FAAH2: variants seen among roughly 807,000 people sequenced by gnomAD.
FAAH2 encodes fatty-acid amide hydrolase 2.
Under a neutral mutation model 36.9 loss-of-function variants are expected in FAAH2, and 60 were observed. The observed-to-expected ratio is 1.63, with a 90% CI of 1.32 to 2.02. FAAH2 has a LOEUF of 2.02. Ranked by LOEUF, FAAH2 falls within the 30% of genes most tolerant of loss-of-function variation. FAAH2 has a pLI of 0.00. For missense variants in FAAH2, 689 were observed against 397.5 expected (o/e 1.73, Z -6.23); for synonymous variants, 214 against 143.8 (o/e 1.49, Z -3.49).
At chrX:57,329,044 A>T in intron 3 of FAAH2, among the ~76,000 whole-genome samples, 1 of 112,025 alleles carries the variant, frequency 8.9e-6, no homozygotes, top group Admixed American at 9.5e-5. Flanking sequence ...TGGCAGCAGT[A>T]TCTGCCCTTA....
the FAAH2 span, among the ~76,000 whole-genome samples, chrX:57,182,913 C>T: frequency 9.0e-6 from 1 of 110,812 alleles, no homozygotes; most frequent in African/African-American, 3.3e-5. Context: ...GAGCTGGAGG[C>T]CATTATCCCT....
At chrX:57,245,700 C>T in the FAAH2 span, among the ~76,000 whole-genome samples, 2 of 112,335 alleles carry the variant, frequency 1.8e-5, no homozygotes, top group Non-Finnish European at 3.8e-5. Context: ...CACAATGTGG[C>T]AGAATCTGTG....
chrX:57,159,519 G>A, the FAAH2 span, among the ~76,000 whole-genome samples: 2 of 110,482 alleles, frequency 1.8e-5, no homozygotes, highest in African/African-American at 3.3e-5. Context: ...ATTTCATTGA[G>A]CAGTGGTTTG....
At chrX:57,177,424 T>C in the FAAH2 span, among the ~76,000 whole-genome samples, 12,836 of 105,148 alleles carry the variant, frequency 0.12, 1,966 homozygotes, top group African/African-American at 0.41. Context: ...CCCTGGAGTG[T>C]TTCAGAAAGT....
At chrX:57,252,358 C>A in the FAAH2 span, among the ~76,000 whole-genome samples, 2 of 112,503 alleles carry the variant, frequency 1.8e-5, no homozygotes, top group Non-Finnish European at 3.8e-5. Flanking sequence ...ACTTAAATGT[C>A]CCTGACAGAC....
At chrX:57,165,596 T>C in the FAAH2 span, among the ~76,000 whole-genome samples, 1 of 110,838 alleles carries the variant, frequency 9.0e-6, no homozygotes, top group Non-Finnish European at 1.9e-5. Flanking sequence ...TGCTAGATGA[T>C]GAGTTAGTGG....
chrX:57,352,860 C>A (rs955211125), intron 5 of FAAH2, among the ~76,000 whole-genome samples: 4 of 110,164 alleles, frequency 3.6e-5, no homozygotes, highest in African/African-American at 1.3e-4. Flanking sequence ...ATGATAGTTA[C>A]AAAAACAAAC....
the FAAH2 span, among the ~76,000 whole-genome samples, chrX:57,251,107 C>A: frequency 9.0e-6 from 1 of 111,526 alleles, no homozygotes; most frequent in South Asian, 3.7e-4. Context: ...CTCAACAAAA[C>A]GCTGGCCAAC....
chrX:57,334,479 A>C (rs1258042365), intron 4 of FAAH2, among the ~76,000 whole-genome samples: 1 of 111,254 alleles, frequency 9.0e-6, no homozygotes, highest in Non-Finnish European at 1.9e-5. Context: ...TTCATAGAGA[A>C]AAAAAGAATA....
chrX:57,292,447 T>C (rs2052012556), intron 1 of FAAH2, 51 bp from the exon 2 acceptor site: 1 of 1,055,625 alleles, frequency 9.5e-7, no homozygotes. Flanking sequence ...ACTTGTTGAA[T>C]GAATTGTTTA....
the FAAH2 span, chrX:57,228,921 CA>C: frequency 9.0e-6 from 1 of 111,053 alleles, no homozygotes; most frequent in Non-Finnish European, 1.9e-5. Context: ...GCAAAAAAAA[CA>C]GACACAGCAT....
intron 7 of FAAH2, among the ~76,000 whole-genome samples, chrX:57,382,651 C>T (rs2054886080): frequency 1.8e-5 from 2 of 111,379 alleles, no homozygotes. Flanking sequence ...CTGAATAGAC[C>T]AATAACAGGC....
At chrX:57,217,181 C>T in the FAAH2 span, among the ~76,000 whole-genome samples, 1 of 103,090 alleles carries the variant, frequency 9.7e-6, no homozygotes, top group Middle Eastern at 5.1e-3. Flanking sequence ...GATATTAGTC[C>T]TTTGTCAGAT....
At chrX:57,270,389 G>A in the FAAH2 span, among the ~76,000 whole-genome samples, 2 of 111,831 alleles carry the variant, frequency 1.8e-5, no homozygotes, top group African/African-American at 6.5e-5. Flanking sequence ...CATCCTGATA[G>A]CAAAACCTGG....
At chrX:57,314,652 A>T (rs1159100379) in intron 3 of FAAH2, among the ~76,000 whole-genome samples, 1 of 111,466 alleles carries the variant, frequency 9.0e-6, no homozygotes, top group Non-Finnish European at 1.9e-5. Context: ...TTAAGGCATA[A>T]ATCAAAAAAA....
chrX:57,211,388 C>G, the FAAH2 span, among the ~76,000 whole-genome samples: 2 of 111,387 alleles, frequency 1.8e-5, no homozygotes, highest in Non-Finnish European at 3.8e-5. Flanking sequence ...GCATTTGCAC[C>G]TGTCATTTTG....
intron 8 of FAAH2, among the ~76,000 whole-genome samples, chrX:57,444,447 C>T (rs1230456457): frequency 1.8e-5 from 2 of 111,913 alleles, no homozygotes; most frequent in Admixed American, 9.5e-5. Flanking sequence ...CGTTTGCTAA[C>T]GCCATTGGAA....
chrX:57,465,831 C>A (rs1457380764), intron 10 of FAAH2, among the ~76,000 whole-genome samples: 1 of 109,022 alleles, frequency 9.2e-6, no homozygotes, highest in Non-Finnish European at 1.9e-5. Context: ...AAAATAATAC[C>A]CAAAACAATT....
chrX:57,147,147 C>A, the FAAH2 span, among the ~76,000 whole-genome samples: 1 of 111,632 alleles, frequency 9.0e-6, no homozygotes, highest in Non-Finnish European at 1.9e-5. Flanking sequence ...TACCTATGTT[C>A]TTTCAATGTC....
Sources: allele counts gnomAD v4.1 joint callset (sites outside exome capture counted in the v4.1 genomes callset), GRCh38; gene constraint gnomAD v4.1.1; transcripts MANE v1.5; gene names NCBI Gene and HGNC (gene_info 2026-07-23, HGNC 2026-07-21).